The following PRDM16 variants were observed in gnomAD, a reference collection of about 807,000 sequenced individuals.
The protein encoded by PRDM16 is histone-lysine N-methyltransferase PRDM16.
Under a neutral mutation model 110.6 loss-of-function variants are expected in PRDM16, and 23 were observed. The observed-to-expected ratio is 0.21, with a 90% CI of 0.15 to 0.29. PRDM16 has a LOEUF of 0.29. Ranked by LOEUF, PRDM16 falls within the 10% of genes least tolerant of loss-of-function variation. The probability of loss-of-function intolerance (pLI) is 1.00; values close to 1 mark genes in which losing one functional copy is unlikely to be tolerated. For synonymous variants in PRDM16, 799 were observed against 781.8 expected, an observed-to-expected ratio of 1.02 and a Z score of -0.37; for missense variants, 1,615 against 1,794.3, an observed-to-expected ratio of 0.90 and a Z score of 1.81.
intron 2 of PRDM16, among the ~76,000 whole-genome samples, chr1:3,233,441 C>T (rs554185830): frequency 2.0e-4 from 30 of 152,082 alleles, no homozygotes; most frequent in African/African-American, 4.1e-4. Context: ...CCCCTCCTGC[C>T]GCTGCCACTC....
At chr1:3,088,925 G>A (rs1453399965) in intron 1 of PRDM16, among the ~76,000 whole-genome samples, 2 of 152,106 alleles carry the variant, frequency 1.3e-5, no homozygotes, top group Non-Finnish European at 2.9e-5. Context: ...TGGGGTTACA[G>A]GCACATGCCA....
intron 2 of PRDM16, among the ~76,000 whole-genome samples, chr1:3,238,248 A>T (rs1639582721): frequency 1.3e-5 from 2 of 152,012 alleles, no homozygotes; most frequent in South Asian, 2.1e-4. Flanking sequence ...GGAGTGAGGG[A>T]GGTGGTGGCT....
intron 3 of PRDM16, among the ~76,000 whole-genome samples, chr1:3,314,075 G>T (rs905222736): frequency 1.3e-5 from 2 of 151,234 alleles, no homozygotes; most frequent in Non-Finnish European, 2.9e-5. Context: ...CCCCACCGGG[G>T]GGGGGGGCGG....
chr1:3,224,591 A>G (rs1023573442), intron 2 of PRDM16, among the ~76,000 whole-genome samples: 2 of 152,102 alleles, frequency 1.3e-5, no homozygotes, highest in African/African-American at 4.8e-5. Context: ...CTTTCCTTAG[A>G]GAAGAGAAAA....
intron 1 of PRDM16, among the ~76,000 whole-genome samples, chr1:3,105,123 C>T (rs11808136): frequency 0.14 from 20,642 of 151,978 alleles, 1,784 homozygotes; most frequent in East Asian, 0.29. Flanking sequence ...GCAGGGCCAT[C>T]CCCCCAAGTA....
intron 3 of PRDM16, among the ~76,000 whole-genome samples, chr1:3,364,003 C>A (rs1019943151): frequency 6.6e-6 from 1 of 152,102 alleles, no homozygotes; most frequent in African/African-American, 2.4e-5. Context: ...ACACCTTAGC[C>A]CTTCATGAGT....
intron 1 of PRDM16, among the ~76,000 whole-genome samples, chr1:3,106,197 G>C (rs1642648680): frequency 6.6e-6 from 1 of 152,256 alleles, no homozygotes; most frequent in African/African-American, 2.4e-5. Context: ...GTCTTCCAAA[G>C]AGAGCAGCCC....
chr1:3,219,194 G>A (rs1639097964), intron 2 of PRDM16, among the ~76,000 whole-genome samples: 1 of 152,214 alleles, frequency 6.6e-6, no homozygotes, highest in Admixed American at 6.5e-5. Flanking sequence ...GGCTCCCTCG[G>A]CAAACATTTT....
chr1:3,276,816 C>T (rs911831958), intron 3 of PRDM16, among the ~76,000 whole-genome samples: 2 of 151,802 alleles, frequency 1.3e-5, no homozygotes, highest in Admixed American at 6.6e-5. Context: ...TCTCCTGTTG[C>T]CTGGGCCGCC....
chr1:3,335,631 A>ACACACACACACACC (rs1210122391), intron 3 of PRDM16, among the ~76,000 whole-genome samples: 100 of 152,078 alleles, frequency 6.6e-4, no homozygotes, highest in African/African-American at 2.1e-3. Flanking sequence ...ACACACACAC[A>ACACACACACACACC]CACACACACA....
chr1:3,340,558 C>T (rs1032859223), intron 3 of PRDM16, among the ~76,000 whole-genome samples: 7 of 152,158 alleles, frequency 4.6e-5, no homozygotes, highest in African/African-American at 1.7e-4. Flanking sequence ...TCCCCCTGCA[C>T]AGGGCTCCCT....
At position 3,187,344 on chromosome 1, in the gene PRDM16, CCT is replaced by C. The variant is rs559328082; in HGVS notation, c.387+871_387+872del. Among the ~76,000 whole-genome samples, 420 of 152,350 alleles carry C rather than the reference CCT, an allele frequency of 2.8e-3. 8 individuals are homozygous for C. The highest frequency in any genetic ancestry group is 0.025 in the Admixed American group (381 of 15,306). On this transcript the variant is annotated intron_variant, in intron 2 of 16. Coordinates refer to ENST00000270722, the MANE Select transcript of PRDM16 (RefSeq NM_022114.4). ...AAATGGGAACACCAGTCGGATTCCC[CCT>C]GTGCCTCCCAGCCTCTGGAGTGCCC...
chr1:3,383,777 G>A (rs1330843071), intron 3 of PRDM16, among the ~76,000 whole-genome samples: 2 of 152,096 alleles, frequency 1.3e-5, no homozygotes, highest in Non-Finnish European at 2.9e-5. Context: ...ACTCCCCTGG[G>A]TCCTTGTGAC....
chr1:3,244,377 G>A lies in PRDM16; in HGVS notation c.438+240G>A, dbSNP rs562777308. The stretch of plus-strand genomic sequence containing the variant: ...TAGGGTCACAGGTACAGGGCCATCC[G>A]CCACTCTCCTAACTCCCGAGAGTGG... On this transcript the variant is annotated intron_variant, in intron 3 of 16. Transcript: ENST00000270722. This position sits in a 1 kb window ranked among gnomAD's most constrained non-coding sequence, Gnocchi z 4.1. Among the ~76,000 whole-genome samples, 192 of 152,192 alleles carry A rather than the reference G, an allele frequency of 1.3e-3. No individual in the cohort carries two copies. Among genetic ancestry groups the A allele is most frequent in the African/African-American group, 4.5e-3 (185 of 41,536 alleles).
intron 2 of PRDM16, among the ~76,000 whole-genome samples, chr1:3,199,852 G>A (rs1435336771): frequency 6.6e-6 from 1 of 152,206 alleles, no homozygotes. Context: ...GGTGCACCCT[G>A]TCTCAAGTCT....
Position 3,072,358 on chromosome 1 carries a change from C to T in PRDM16, c.37+3062C>T, listed in dbSNP as rs184156262. Among the ~76,000 whole-genome samples the T allele has an allele frequency of 1.9e-3, 289 of 152,320 alleles. 1 individual carries two copies. Among genetic ancestry groups the T allele is most frequent in the African/African-American group, 6.5e-3 (271 of 41,574 alleles). ...AGGATGTGCCAGTCGGCACCCCCAT[C>T]AGAGCTGCTCCTTGAGGCCTGATCC... On this transcript the variant is annotated intron_variant, in intron 1 of 16. Coordinates refer to ENST00000270722, the MANE Select transcript of PRDM16 (RefSeq NM_022114.4).
intron 3 of PRDM16, among the ~76,000 whole-genome samples, chr1:3,376,057 C>T (rs1642984500): frequency 6.6e-6 from 1 of 152,066 alleles, no homozygotes; most frequent in Non-Finnish European, 1.5e-5. Context: ...ATGGTCAGTG[C>T]ACCCCAGGAG....
At chr1:3,372,217 G>C (rs912535370) in intron 3 of PRDM16, among the ~76,000 whole-genome samples, 24 of 152,258 alleles carry the variant, frequency 1.6e-4, no homozygotes, top group Admixed American at 1.6e-3. Context: ...TCCTCAGCCT[G>C]TCATTCAGCT....
intron 3 of PRDM16, among the ~76,000 whole-genome samples, 183 bp from the exon 4 acceptor site, chr1:3,384,969 C>T (rs1557645274): frequency 6.6e-6 from 1 of 152,168 alleles, no homozygotes; most frequent in Non-Finnish European, 1.5e-5. Context: ...TGGAGACTCC[C>T]GGGCATGGGC....
Sources: allele counts gnomAD v4.1 joint callset (sites outside exome capture counted in the v4.1 genomes callset), GRCh38; gene constraint gnomAD v4.1.1; non-coding constraint Gnocchi (gnomAD v3.1); transcripts MANE v1.5; gene names NCBI Gene and HGNC (gene_info 2026-07-23, HGNC 2026-07-21).